The following PRR11 variants were observed in gnomAD, a reference collection of about 807,000 sequenced individuals.
PRR11 encodes the protein proline rich 11, also known as proline-rich protein 11.
Under a neutral mutation model 45.6 loss-of-function variants are expected in PRR11, and 30 were observed. The ratio of observed to expected loss-of-function variants is 0.66; its 90% CI spans 0.49 to 0.89. The LOEUF (loss-of-function observed/expected upper bound fraction) is 0.89, where lower values mean the gene tolerates loss of function less well. PRR11 is among the 40% of genes least tolerant of loss of function. The pLI, the probability that PRR11 is intolerant of heterozygous loss-of-function variation, is 0.00. For missense variants in PRR11, 373 were observed against 424.8 expected (o/e 0.88, Z 1.07); for synonymous variants, 128 against 153.5 (o/e 0.83, Z 1.23).
intron 9 of PRR11, chr17:59,198,010 G>A (rs907114405): frequency 1.9e-6 from 1 of 515,738 alleles, no homozygotes; most frequent in South Asian, 2.3e-5. Context: ...AGCTACTTGG[G>A]AAGCTGTGTT....
At chr17:59,188,580 T>C (rs911809769) in intron 4 of PRR11, among the ~76,000 whole-genome samples, 1 of 152,154 alleles carries the variant, frequency 6.6e-6, no homozygotes, top group African/African-American at 2.4e-5. Context: ...GTTCTGTATG[T>C]ACTAATGAGG....
intron 2 of PRR11, among the ~76,000 whole-genome samples, chr17:59,173,840 C>T (rs537561335): frequency 4.6e-5 from 7 of 152,262 alleles, no homozygotes; most frequent in African/African-American, 7.2e-5. Context: ...TGGCTCCTCT[C>T]CTCCTTCCTG....
intron 7 of PRR11, among the ~76,000 whole-genome samples, chr17:59,196,317 A>C (rs2046865837): frequency 6.6e-6 from 1 of 152,040 alleles, no homozygotes. Context: ...TGATTCCAAG[A>C]CACACTAGTT....
chr17:59,191,287 C>T (rs2147852944), intron 4 of PRR11, among the ~76,000 whole-genome samples: 1 of 148,808 alleles, frequency 6.7e-6, no homozygotes, highest in South Asian at 2.1e-4. Flanking sequence ...GGCGCAATCT[C>T]AGCTCACTGC....
In PRR11 at chr17:59,201,981, CA is replaced by C. The variant is rs1042018097; in HGVS notation, c.*358del. 10 of 227,582 alleles carry C rather than the reference CA, an allele frequency of 4.4e-5. No individual in the cohort carries two copies. Among genetic ancestry groups the C allele is most frequent in the Non-Finnish European group, 6.2e-5 (7 of 112,694 alleles). 14.1% of individuals were successfully genotyped at this position (227,582 alleles called of 1,614,324 possible). On this transcript the variant is annotated 3_prime_UTR_variant, in exon 10 of 10. Transcript: ENST00000262293. ...AGCAAAACAAAAACAAACAAACAAA[CA>C]AAAAAAACCCACCCAAATCCTTTTT...
In PRR11 at chr17:59,206,206, A is replaced by G. The variant is rs548568886; in HGVS notation, c.*4575A>G. 2.6e-5 allele frequency among the ~76,000 whole-genome samples: 4 copies of G among 152,236 alleles called. No homozygotes were observed. In the South Asian group the frequency reaches 8.3e-4, roughly 32 times the overall value. The stretch of plus-strand genomic sequence containing the variant: ...ACACTGCAAGACCCCAACTCTACAA[A>G]AAACGAAAAATTAGCCGGGAGCGGT... On this transcript the variant is annotated 3_prime_UTR_variant, in exon 10 of 10. Coordinates refer to ENST00000262293, the MANE Select transcript of PRR11 (RefSeq NM_018304.4).
At position 59,205,304 on chromosome 17, in the gene PRR11, A is replaced by T. The variant is rs2046912647; in HGVS notation, c.*3673A>T. 6.6e-6 allele frequency among the ~76,000 whole-genome samples: 1 copy of T among 152,008 alleles called. No homozygotes were observed. Among genetic ancestry groups the T allele is most frequent in the African/African-American group, 2.4e-5 (1 of 41,410 alleles). ...ACTGAATGGCAACCAGAGAATGTAA[A>T]CAACCAAGGTGCATCTGGTTATGTT... On this transcript the variant is annotated 3_prime_UTR_variant, in exon 10 of 10. Coordinates refer to ENST00000262293, the MANE Select transcript of PRR11 (RefSeq NM_018304.4).
intron 2 of PRR11, among the ~76,000 whole-genome samples, chr17:59,183,855 T>G (rs2046800784): frequency 1.3e-5 from 2 of 152,168 alleles, no homozygotes; most frequent in Admixed American, 1.3e-4. Flanking sequence ...CCCAGCACTT[T>G]GGGTGGCCAA....
At chr17:59,179,271 C>G (rs769973222) in intron 2 of PRR11, among the ~76,000 whole-genome samples, 30 of 152,102 alleles carry the variant, frequency 2.0e-4, no homozygotes, top group Non-Finnish European at 3.8e-4. Flanking sequence ...CAGGTTTGAG[C>G]TACTGTGCTT....
chr17:59,195,285 G>C (rs2291194), intron 6 of PRR11, 46 bp from the exon 7 acceptor site: 43,874 of 1,426,640 alleles, frequency 0.031, 2,412 homozygotes, highest in African/African-American at 0.18. Context: ...CATTTTGAGT[G>C]ATATTTTAAA....
chr17:59,191,563 A>T (rs187802205), intron 4 of PRR11, among the ~76,000 whole-genome samples: 1 of 152,070 alleles, frequency 6.6e-6, no homozygotes. Context: ...AGACCTCTGG[A>T]TATACCACCT....
intron 1 of PRR11, among the ~76,000 whole-genome samples, chr17:59,161,176 G>A (rs1417835374): frequency 6.6e-6 from 1 of 152,072 alleles, no homozygotes; most frequent in Non-Finnish European, 1.5e-5. Flanking sequence ...GGAGGCCGAG[G>A]GAGGCGGATA....
chr17:59,202,942 G>A lies in PRR11; in HGVS notation c.*1311G>A, dbSNP rs2046899706. On this transcript the variant is annotated 3_prime_UTR_variant, in exon 10 of 10. Coordinates refer to ENST00000262293, the MANE Select transcript of PRR11 (RefSeq NM_018304.4). ...CAAGTTACTTGTGAAGCTGAGGTGG[G>A]AGGATCACTTGAGCCCAAGAGTTTG... 6.6e-6 allele frequency: 1 copy of A among 152,198 alleles called. No homozygotes were observed. Among genetic ancestry groups the A allele is most frequent in the South Asian group, 2.1e-4 (1 of 4,826 alleles). The allele number at this position is 152,198 out of a possible 1,614,324, so 9.4% of individuals were successfully genotyped here. A position where few individuals can be genotyped will look rare whatever the true frequency, so the allele number is the denominator to read the frequency against.
At chr17:59,199,275 G>A (rs1265369230) in intron 9 of PRR11, among the ~76,000 whole-genome samples, 1 of 152,170 alleles carries the variant, frequency 6.6e-6, no homozygotes, top group Non-Finnish European at 1.5e-5. Context: ...TCAGGAAGGA[G>A]AGAGTTCCAG....
At chr17:59,194,655 A>T (rs1388868339) in intron 5 of PRR11, 102 bp from the exon 6 acceptor site, 4 of 769,364 alleles carry the variant, frequency 5.2e-6, no homozygotes, top group Non-Finnish European at 8.5e-6. Flanking sequence ...GGTAGATAAG[A>T]GTTACCTCTT....
In PRR11 at chr17:59,204,855, C is replaced by T. The variant is rs997253086; in HGVS notation, c.*3224C>T. On this transcript the variant is annotated 3_prime_UTR_variant, in exon 10 of 10. Transcript: ENST00000262293. ...ACAAGCCTGGGCAACATTGCAAGAC[C>T]CCAACTCTACAAAAAACGAAAAATT... 6.6e-6 allele frequency: 1 copy of T among 152,094 alleles called. No homozygotes were observed. The highest frequency in any genetic ancestry group is 2.4e-5 in the African/African-American group (1 of 41,364). The allele number at this position is 152,094 out of a possible 1,614,324, so 9.4% of individuals were successfully genotyped here.
At chr17:59,182,790 G>A (rs549005534) in intron 2 of PRR11, among the ~76,000 whole-genome samples, 42 of 152,180 alleles carry the variant, frequency 2.8e-4, no homozygotes, top group African/African-American at 9.9e-4. Context: ...CTCCTGGAGG[G>A]GGTACCCTGA....
chr17:59,179,978 G>A (rs1355080903), intron 2 of PRR11: 22 of 1,150,576 alleles, frequency 1.9e-5, no homozygotes, highest in African/African-American at 3.0e-5. Flanking sequence ...CCCCAGCCTC[G>A]CAGACTGCTG....
At chr17:59,196,130 A>G (rs2046864949) in intron 7 of PRR11, among the ~76,000 whole-genome samples, 1 of 151,942 alleles carries the variant, frequency 6.6e-6, no homozygotes, top group South Asian at 2.1e-4. Context: ...AATGTCTTAA[A>G]ACAGGATTTT....
Sources: gnomAD v4.1 joint callset for allele counts (sites outside exome capture counted in the v4.1 genomes callset) on GRCh38, gnomAD v4.1.1 for gene constraint, MANE v1.5 for transcripts, NCBI Gene and HGNC (gene_info 2026-07-23, HGNC 2026-07-21) for gene names.